Variants in DMD observed in about 807,000 individuals in gnomAD.
DMD encodes the protein dystrophin.
A neutral mutation model predicts 330.1 loss-of-function variants in DMD; 63 were observed. The ratio of observed to expected loss-of-function variants is 0.19; its 90% CI spans 0.16 to 0.24. DMD has a LOEUF of 0.24. DMD is among the 10% of genes least tolerant of loss of function. The pLI is 1.00. For synonymous variants in DMD, 1,223 were observed against 959.8 expected (o/e 1.27, Z -5.07); for missense variants, 3,344 against 2,684.1 (o/e 1.25, Z -5.43).
chrX:32,760,222 G>A (rs1170014269), intron 7 of DMD, among the ~76,000 whole-genome samples: 2 of 111,771 alleles, frequency 1.8e-5, no homozygotes, highest in African/African-American at 6.5e-5. Context: ...AAACATTACT[G>A]TAACACAGGA....
chrX:31,800,185 AC>A (rs1419622742), intron 50 of DMD, among the ~76,000 whole-genome samples: 1 of 111,994 alleles, frequency 8.9e-6, no homozygotes, highest in Admixed American at 9.4e-5. Context: ...TGGAGCTCCG[AC>A]CCCACATTTT....
At chrX:31,879,907 T>C (rs1047254544) in intron 47 of DMD, among the ~76,000 whole-genome samples, 1 of 112,230 alleles carries the variant, frequency 8.9e-6, no homozygotes, top group African/African-American at 3.2e-5. Context: ...GTAAAATACA[T>C]CATTTTTCTA....
intron 29 of DMD, among the ~76,000 whole-genome samples, chrX:32,416,923 A>C (rs2098168253): frequency 8.9e-6 from 1 of 111,918 alleles, no homozygotes; most frequent in African/African-American, 3.3e-5. Context: ...TGGTCCAACT[A>C]TTTCCTTTTA....
intron 2 of DMD, among the ~76,000 whole-genome samples, chrX:32,998,134 A>T (rs2093174189): frequency 9.1e-6 from 1 of 109,640 alleles, no homozygotes; most frequent in African/African-American, 3.3e-5. Flanking sequence ...GCTGAGACTG[A>T]AGGATCACTT....
intron 7 of DMD, among the ~76,000 whole-genome samples, chrX:32,742,650 C>T (rs772724739): frequency 1.8e-5 from 2 of 111,455 alleles, no homozygotes; most frequent in East Asian, 5.7e-4. Context: ...GGAATGAGAC[C>T]TAAGCAATGA....
intron 30 of DMD, among the ~76,000 whole-genome samples, chrX:32,410,927 G>T (rs763057777): frequency 6.3e-5 from 7 of 111,034 alleles, no homozygotes; most frequent in African/African-American, 2.3e-4. Flanking sequence ...TTATATTTTC[G>T]TTTGAATGAA....
At chrX:32,983,574 C>CACACAT (rs1436924677) in intron 2 of DMD, among the ~76,000 whole-genome samples, 2 of 63,952 alleles carry the variant, frequency 3.1e-5, no homozygotes, top group South Asian at 1.5e-3. Context: ...CACACACACA[C>CACACAT]ATATAGGAAC....
intron 52 of DMD, among the ~76,000 whole-genome samples, chrX:31,708,068 C>A (rs978627810): frequency 8.9e-6 from 1 of 111,834 alleles, no homozygotes; most frequent in Non-Finnish European, 1.9e-5. Context: ...AGCATTCCAT[C>A]ATTTGTGTTA....
chrX:31,846,434 T>TAC (rs67231830), intron 48 of DMD, among the ~76,000 whole-genome samples: 2,316 of 95,453 alleles, frequency 0.024, 30 homozygotes, highest in South Asian at 0.054. Flanking sequence ...AATCAAGAAA[T>TAC]ACACACACAC....
At chrX:32,298,064 T>G (rs1362948490) in intron 42 of DMD, among the ~76,000 whole-genome samples, 1 of 108,406 alleles carries the variant, frequency 9.2e-6, no homozygotes, top group Non-Finnish European at 1.9e-5. Context: ...AGGACTTCCC[T>G]GTTTACTTTG....
intron 37 of DMD, among the ~76,000 whole-genome samples, chrX:32,349,190 C>A (rs1478222398): frequency 1.8e-5 from 2 of 111,292 alleles, no homozygotes; most frequent in Non-Finnish European, 3.8e-5. Context: ...AATGACCAGT[C>A]TAAGAAAACT....
chrX:31,322,460 A>G (rs2056494262), intron 62 of DMD, among the ~76,000 whole-genome samples: 1 of 112,347 alleles, frequency 8.9e-6, no homozygotes, highest in Admixed American at 9.4e-5. Context: ...AAAAAGCAGA[A>G]TCAAACATAC....
chrX:31,648,056 T>G (rs1243503112), intron 54 of DMD, among the ~76,000 whole-genome samples: 1 of 111,999 alleles, frequency 8.9e-6, no homozygotes. Context: ...CACCTGTCCA[T>G]TTCCTTCCTA....
chrX:32,242,282 A>G (rs1271216324), intron 43 of DMD, among the ~76,000 whole-genome samples: 1 of 111,544 alleles, frequency 9.0e-6, no homozygotes, highest in Admixed American at 9.5e-5. Context: ...CAATCAACCA[A>G]CAAGGATCAC....
At chrX:31,451,688 A>C (rs2065766556) in intron 59 of DMD, among the ~76,000 whole-genome samples, 1 of 111,085 alleles carries the variant, frequency 9.0e-6, no homozygotes, top group Non-Finnish European at 1.9e-5. Context: ...TGAGTCCCTC[A>C]TTTCTGCCAA....
intron 1 of DMD, among the ~76,000 whole-genome samples, chrX:33,230,970 A>AT (rs1569558932): frequency 1.0e-5 from 1 of 99,964 alleles, no homozygotes; most frequent in African/African-American, 5.1e-5. Flanking sequence ...AAAAAAAAAA[A>AT]AATAAATAAC....
chrX:32,496,774 T>TA (rs1350068319), intron 19 of DMD, among the ~76,000 whole-genome samples: 1 of 112,730 alleles, frequency 8.9e-6, no homozygotes, highest in Non-Finnish European at 1.9e-5. Context: ...GCCTGTCAAT[T>TA]AAAAACATTT....
At chrX:31,241,563 T>C (rs938762269) in intron 63 of DMD, among the ~76,000 whole-genome samples, 1 of 111,719 alleles carries the variant, frequency 9.0e-6, no homozygotes, top group Admixed American at 9.5e-5. Flanking sequence ...CTCAATGGTA[T>C]CACCATTCTC....
chrX:32,362,150 A>T, intron 37 of DMD, among the ~76,000 whole-genome samples: 1 of 111,979 alleles, frequency 8.9e-6, no homozygotes, highest in Admixed American at 9.5e-5. Flanking sequence ...ATAAAATTAC[A>T]AAAATTAGGA....
Sources: allele counts gnomAD v4.1 joint callset (sites outside exome capture counted in the v4.1 genomes callset), GRCh38; gene constraint gnomAD v4.1.1; transcripts MANE v1.5; gene names NCBI Gene and HGNC (gene_info 2026-07-23, HGNC 2026-07-21).